NT5DC3: variants seen among roughly 807,000 people sequenced by gnomAD.
The protein encoded by NT5DC3 is 5'-nucleotidase domain containing 3.
A neutral mutation model predicts 67.8 loss-of-function variants in NT5DC3; 42 were observed. That is an observed-to-expected ratio of 0.62 (90% CI 0.48 to 0.80). The LOEUF is 0.80. Among genes scored for constraint, NT5DC3 ranks in the 30% least tolerant of loss-of-function variants. The pLI, the probability that NT5DC3 is intolerant of heterozygous loss-of-function variation, is 0.00. For missense variants in NT5DC3, 570 were observed against 696.4 expected (o/e 0.82, Z 2.04); for synonymous variants, 237 against 255.6 (o/e 0.93, Z 0.69).
chr12:103,805,060 A>AC (rs1057097528), intron 4 of NT5DC3, among the ~76,000 whole-genome samples: 1 of 151,182 alleles, frequency 6.6e-6, no homozygotes, highest in Admixed American at 6.6e-5. Context: ...TCAATAACAA[A>AC]AAAAAAAAAA....
chr12:103,836,064 C>A (rs1888133956), intron 1 of NT5DC3, among the ~76,000 whole-genome samples: 1 of 152,082 alleles, frequency 6.6e-6, no homozygotes, highest in Non-Finnish European at 1.5e-5. Context: ...AAAGACCAGC[C>A]CCCATGATTC....
rs1885277879 is a variant in NT5DC3 at position 103,774,570 on chromosome 12, G to A, written c.*3259C>T. 6.6e-6 allele frequency: 1 copy of A among 151,388 alleles called. No individual in the cohort carries two copies. The highest frequency in any genetic ancestry group is 1.5e-5 in the Non-Finnish European group (1 of 68,090). The allele number at this position is 151,388 out of a possible 1,614,324, so 9.4% of individuals were successfully genotyped here. ...GTGGTGGTGGGCACCTGTAATCCCA[G>A]CTACTCGGGAGGCTGAGGCAGGAGA... is the stretch of plus-strand genomic sequence containing the variant. On this transcript the variant is annotated 3_prime_UTR_variant, in exon 14 of 14. Transcript: ENST00000392876.
At chr12:103,798,262 C>T (rs565318111) in intron 5 of NT5DC3, among the ~76,000 whole-genome samples, 49 of 152,242 alleles carry the variant, frequency 3.2e-4, no homozygotes, top group South Asian at 1.9e-3. Flanking sequence ...CACAGCCATT[C>T]GTCAGGGGAA....
At chr12:103,769,237 C>T (rs554165570), downstream of NT5DC3, among the ~76,000 whole-genome samples, 3 of 152,332 alleles carry the variant, frequency 2.0e-5, no homozygotes, top group South Asian at 4.1e-4. Context: ...ACCAACTTCT[C>T]GCAATAACTG....
rs141721922 is a variant in NT5DC3 at position 103,815,752 on chromosome 12, G to A, written c.209-631C>T. Among the ~76,000 whole-genome samples, 462 of 152,194 alleles carry A rather than the reference G, an allele frequency of 3.0e-3. 5 individuals carry two copies. Among genetic ancestry groups the A allele is most frequent in the African/African-American group, 0.011 (439 of 41,528 alleles). On this transcript the variant is annotated intron_variant, in intron 1 of 13. Coordinates refer to ENST00000392876, the MANE Select transcript of NT5DC3 (RefSeq NM_001031701.3). Reference sequence around the variant, plus strand: ...TGATGGTTGAACACCTCTTGTGAACGTACTAAAAACCACTGGGAGACTTTA... The same window carrying A: ...TGATGGTTGAACACCTCTTGTGAACATACTAAAAACCACTGGGAGACTTTA...
rs977077811 is a variant in NT5DC3, at chr12:103,841,198, G to A, written c.-42C>T. 1 of 577,440 alleles carries A rather than the reference G, an allele frequency of 1.7e-6. No homozygotes were observed. The allele number at this position is 577,440 out of a possible 1,614,324, so 35.8% of individuals were successfully genotyped here. Reference sequence around the variant, plus strand: ...CGCCACCGCCGCCGCGCCGCTCTGCGACTGCTGCTGCCCGGCCCAAGATCT... The same window carrying A: ...CGCCACCGCCGCCGCGCCGCTCTGCAACTGCTGCTGCCCGGCCCAAGATCT... On this transcript the variant is annotated 5_prime_UTR_variant, in exon 1 of 14. Transcript: ENST00000392876.
At chr12:103,780,213 C>T in intron 13 of NT5DC3, 87 bp downstream of exon 13, 1 of 1,123,434 alleles carries the variant, frequency 8.9e-7, no homozygotes, top group African/African-American at 1.5e-5. Flanking sequence ...AACATTATGC[C>T]TCAGGCTGGC....
downstream of NT5DC3, chr12:103,766,471 T>A (rs998936614): frequency 4.8e-6 from 5 of 1,034,506 alleles, no homozygotes; most frequent in Non-Finnish European, 6.9e-6. Flanking sequence ...CTCTGGCTGA[T>A]CTGGGGGTTG....
At position 103,801,981 on chromosome 12, in the gene NT5DC3, T is replaced by C. The variant is rs1164562978; in HGVS notation, c.525-3304A>G. The C allele has an allele frequency of 2.6e-5, 4 of 152,268 alleles. No individual in the cohort carries two copies. In the South Asian group the frequency reaches 6.2e-4, roughly 24 times the overall value. 9.4% of individuals were successfully genotyped at this position (152,268 alleles called of 1,614,324 possible). A position where few individuals can be genotyped will look rare whatever the true frequency, so the allele number is the denominator to read the frequency against. ...CCAAGGCTTTCAGAGGGTCCAGAGA[T>C]TGCTCAAGACCACACACGTGTGAGC... On this transcript the variant is annotated intron_variant, in intron 4 of 13. Transcript: ENST00000392876.
At chr12:103,788,511 A>G (rs544498341) in intron 10 of NT5DC3, among the ~76,000 whole-genome samples, 1 of 152,356 alleles carries the variant, frequency 6.6e-6, no homozygotes, top group Admixed American at 6.5e-5. Context: ...ATAATTAGTA[A>G]TTTGAGTGAA....
At chr12:103,809,189 G>T (rs904877661) in intron 2 of NT5DC3, among the ~76,000 whole-genome samples, 7 of 152,246 alleles carry the variant, frequency 4.6e-5, no homozygotes, top group Admixed American at 2.6e-4. Flanking sequence ...CCTCAGAGGG[G>T]TTCAACAAGT....
At chr12:103,828,284 TAA>T (rs1254569464) in intron 1 of NT5DC3, among the ~76,000 whole-genome samples, 2 of 152,192 alleles carry the variant, frequency 1.3e-5, no homozygotes, top group Admixed American at 6.5e-5. Context: ...TGGCCACTAA[TAA>T]AGTCTATGGA....
intron 12 of NT5DC3, among the ~76,000 whole-genome samples, chr12:103,781,857 T>A (rs1885566191): frequency 6.6e-6 from 1 of 152,154 alleles, no homozygotes; most frequent in Non-Finnish European, 1.5e-5. Context: ...ACTTCAGCCA[T>A]CTCCATCTCC....
At chr12:103,821,531 T>C (rs1201428403) in intron 1 of NT5DC3, among the ~76,000 whole-genome samples, 1 of 152,134 alleles carries the variant, frequency 6.6e-6, no homozygotes, top group Non-Finnish European at 1.5e-5. Context: ...AGTGAACCAA[T>C]AAGTCCAATC....
At chr12:103,763,619 A>ATTCTT in the NT5DC3 span, 1 of 1,610,220 alleles carries the variant, frequency 6.2e-7, no homozygotes, top group Non-Finnish European at 8.5e-7. Context: ...GTGAGTTTGC[A>ATTCTT]TTCTTATCTA....
At chr12:103,771,956 G>A (rs1885194129), downstream of NT5DC3, among the ~76,000 whole-genome samples, 1 of 152,070 alleles carries the variant, frequency 6.6e-6, no homozygotes. Flanking sequence ...CACCATCACA[G>A]GTACACAAAG....
chr12:103,808,370 CA>C (rs1423134204), intron 2 of NT5DC3, among the ~76,000 whole-genome samples: 2 of 152,230 alleles, frequency 1.3e-5, no homozygotes, highest in Non-Finnish European at 2.9e-5. Context: ...AGAGAGGCAA[CA>C]TCACTAGGAC....
chr12:103,764,648 ATAT>A, the NT5DC3 span, among the ~76,000 whole-genome samples: 1 of 151,476 alleles, frequency 6.6e-6, no homozygotes. Context: ...AGTGTAACAG[ATAT>A]TATTTTTCCA....
At chr12:103,786,498 G>A (rs939980559) in intron 11 of NT5DC3, among the ~76,000 whole-genome samples, 1 of 147,144 alleles carries the variant, frequency 6.8e-6, no homozygotes, top group African/African-American at 2.5e-5. Flanking sequence ...GGGAAATCCA[G>A]TGGGCAACCA....
Sources: gnomAD v4.1 joint callset for allele counts (sites outside exome capture counted in the v4.1 genomes callset) on GRCh38, gnomAD v4.1.1 for gene constraint, MANE v1.5 for transcripts, NCBI Gene and HGNC (gene_info 2026-07-23, HGNC 2026-07-21) for gene names.